Variants in PRG4 observed in about 807,000 individuals in gnomAD.
The protein encoded by PRG4 is proteoglycan 4, also known as articular superficial zone protein.
Under a neutral mutation model 91.2 loss-of-function variants are expected in PRG4, and 61 were observed. The ratio of observed to expected loss-of-function variants is 0.67; its 90% CI spans 0.54 to 0.83. The LOEUF (loss-of-function observed/expected upper bound fraction) is 0.83, where lower values mean the gene tolerates loss of function less well. Among genes scored for constraint, PRG4 ranks in the 40% least tolerant of loss-of-function variants. PRG4 has a pLI of 0.00. For missense variants in PRG4, 1,564 were observed against 1,714.2 expected, an observed-to-expected ratio of 0.91 and a Z score of 1.55; for synonymous variants, 576 against 614.2, an observed-to-expected ratio of 0.94 and a Z score of 0.92.
At chr1:186,310,496 T>C (rs1002001751) in intron 8 of PRG4, among the ~76,000 whole-genome samples, 1 of 152,090 alleles carries the variant, frequency 6.6e-6, no homozygotes, top group African/African-American at 2.4e-5. Context: ...CCAAAAGGCT[T>C]TTTTGAGACC....
Position 186,306,859 on chromosome 1 carries a change from G to A in PRG4, c.1140G>A (p.Glu380=). The A allele has an allele frequency of 6.2e-7, 1 of 1,608,256 alleles. No individual in the cohort carries two copies. The highest frequency in any genetic ancestry group is 8.5e-7 in the Non-Finnish European group (1 of 1,178,446). Residue 380 remains glutamate, a synonymous_variant, in exon 7 of 13, where the codon GAG becomes GAA. Transcript: ENST00000445192. The part of the protein sequence containing the change: ...TIKSAPTTPK[E]PAPTTTKSAP... ...AGTCTGCACCCACCACCCCCAAGGA[G>A]CCTGCACCCACCACCACCAAGTCTG...
chr1:186,297,319 G>T (rs1655923964), intron 2 of PRG4, among the ~76,000 whole-genome samples: 1 of 152,032 alleles, frequency 6.6e-6, no homozygotes, highest in Non-Finnish European at 1.5e-5. Context: ...CCTATATGTT[G>T]AACAATTTGT....
chr1:186,312,396 A>C, intron 11 of PRG4, 24 bp downstream of exon 11: 1 of 1,586,120 alleles, frequency 6.3e-7, no homozygotes. Context: ...TGTGTTAAAA[A>C]AATCCTTAAA....
chr1:186,298,593 C>T (rs1656001514), intron 2 of PRG4, among the ~76,000 whole-genome samples: 1 of 151,632 alleles, frequency 6.6e-6, no homozygotes, highest in African/African-American at 2.4e-5. Flanking sequence ...GGGGTTCAAG[C>T]GATTCTCCTG....
At chr1:186,297,793 G>C (rs1047996235) in intron 2 of PRG4, among the ~76,000 whole-genome samples, 1 of 152,122 alleles carries the variant, frequency 6.6e-6, no homozygotes, top group African/African-American at 2.4e-5. Flanking sequence ...AACATTTCCA[G>C]TAAAATACGA....
rs1571563252 is a variant in PRG4, at chr1:186,306,581, G to T, written c.862G>T (p.Glu288Ter). The T allele has an allele frequency of 2.5e-6, 4 of 1,613,408 alleles. No homozygotes were observed. The South Asian group carries it at 4.4e-5, about 18-fold the overall frequency. The change falls in exon 7 of 13, where the codon GAA (glutamate) becomes TAA (stop). Residue 288 changes from glutamate (E) to a stop codon, truncating the protein, a stop_gained. Coordinates refer to ENST00000445192, the MANE Select transcript of PRG4 (RefSeq NM_005807.6). LOFTEE classifies it high-confidence loss of function. ...TAAAGAGACAACAGTTGAAACTAAAGAAACTACTACAACAAATAAACAGAC... is the reference window on the plus strand; with the variant it reads ...TAAAGAGACAACAGTTGAAACTAAATAAACTACTACAACAAATAAACAGAC... ...VNKETTVETK[E>*]TTTTNKQTST...
chr1:186,309,291 C>T (rs1656994387), intron 7 of PRG4, 151 bp downstream of exon 7: 2 of 825,320 alleles, frequency 2.4e-6, no homozygotes, highest in Non-Finnish European at 3.9e-6. Flanking sequence ...TGTAGGTAAG[C>T]AGAGGTGTAA....
Position 186,311,177 on chromosome 1 carries a change from C to T in PRG4, c.3636+7C>T. 1 of 1,606,820 alleles carries T rather than the reference C, an allele frequency of 6.2e-7. No homozygotes were observed. The highest frequency in any genetic ancestry group is 8.5e-7 in the Non-Finnish European group (1 of 1,173,500). On this transcript the variant is annotated splice_region_variant and intron_variant, in intron 9 of 12. Transcript: ENST00000445192. ...AAAAACTTTCTTCTTTAAGGTAACACAAATATCTTTGTGAGAGAAATTTAA... is the reference window on the plus strand; with the variant it reads ...AAAAACTTTCTTCTTTAAGGTAACATAAATATCTTTGTGAGAGAAATTTAA...
At chr1:186,301,303 T>C in intron 3 of PRG4, among the ~76,000 whole-genome samples, 1 of 152,162 alleles carries the variant, frequency 6.6e-6, no homozygotes, top group South Asian at 2.1e-4. Flanking sequence ...ATTTCCCGAT[T>C]TTTCTTTGTC....
Position 186,308,683 on chromosome 1 carries a change from A to C in PRG4, c.2964A>C (p.Thr988=). The C allele has an allele frequency of 1.2e-6, 2 of 1,611,544 alleles. No individual in the cohort carries two copies. Among genetic ancestry groups the C allele is most frequent in the Non-Finnish European group, 1.7e-6 (2 of 1,179,464 alleles). Reference sequence around the variant, plus strand: ...CTCTTGCACCCAAAGTAACTACAACAAAAAAGACAATTACTACCACTGAGA... The same window carrying C: ...CTCTTGCACCCAAAGTAACTACAACCAAAAAGACAATTACTACCACTGAGA... ...TTTLAPKVTT[T]KKTITTTEIM... The change falls in exon 7 of 13, where the codon ACA becomes ACC. Residue 988 remains threonine, a synonymous_variant. Coordinates refer to ENST00000445192, the MANE Select transcript of PRG4 (RefSeq NM_005807.6).
At chr1:186,300,279 A>C (rs1656119561) in intron 3 of PRG4, 66 bp downstream of exon 3, 2 of 1,605,334 alleles carry the variant, frequency 1.2e-6, no homozygotes, top group Non-Finnish European at 1.7e-6. Context: ...CCCCCCTTGC[A>C]CCCTCGTGCA....
In PRG4 at chr1:186,300,153, G is replaced by T. The variant is rs1656105884; in HGVS notation, c.139G>T (p.Asp47Tyr). Residue 47 changes from aspartate to tyrosine, a missense_variant, in exon 3 of 13, where the codon GAT (aspartate) becomes TAT (tyrosine). Transcript: ENST00000445192. The part of the protein sequence containing the change: ...GYSRDATCNC[D>Y]YNCQHYMECC... The stretch of plus-strand genomic sequence containing the variant: ...TTCTAGAGATGCCACCTGCAACTGT[G>T]ATTATAACTGTCAACACTACATGGA... 1 of 1,614,048 alleles carries T rather than the reference G, an allele frequency of 6.2e-7. No homozygotes were observed.
intron 12 of PRG4, chr1:186,313,429 G>A (rs1657430702): frequency 1.1e-5 from 5 of 444,572 alleles, no homozygotes; most frequent in Non-Finnish European, 2.0e-5. Flanking sequence ...ACTCTTTAAT[G>A]TTTACTTCAT....
In PRG4 at chr1:186,306,617, G is replaced by T; in HGVS notation, c.898G>T (p.Gly300Ter). The T allele has an allele frequency of 6.2e-7, 1 of 1,613,534 alleles. No homozygotes were observed. The highest frequency in any genetic ancestry group is 1.1e-5 in the South Asian group (1 of 91,080). ...AACAAATAAACAGACTTCAACTGATGGAAAAGAGAAGACTACTTCCGCTAA... is the reference window on the plus strand; with the variant it reads ...AACAAATAAACAGACTTCAACTGATTGAAAAGAGAAGACTACTTCCGCTAA... ...TTTNKQTSTD[G>*]KEKTTSAKET... Residue 300 changes from glycine (G) to a stop codon, truncating the protein, a stop_gained, in exon 7 of 13, where the codon GGA becomes TGA. Coordinates refer to ENST00000445192, the MANE Select transcript of PRG4 (RefSeq NM_005807.6). LOFTEE classifies it high-confidence loss of function.
Position 186,307,355 on chromosome 1 carries a change from C to G in PRG4, c.1636C>G (p.Pro546Ala), listed in dbSNP as rs760142979. Residue 546 changes from proline to alanine, a missense_variant, in exon 7 of 13, where the codon CCC (proline) becomes GCC (alanine). By Grantham distance (27) the Pro-to-Ala change is conservative (BLOSUM62 -1). Coordinates refer to ENST00000445192, the MANE Select transcript of PRG4 (RefSeq NM_005807.6). ...TGCACCCACCACTACCAAGTCTGCA[C>G]CCACCACTCCCAAGGAGCCTTCACC... ...EPAPTTTKSA[P>A]TTPKEPSPTT... is the part of the protein sequence containing the mutation. 15 of 1,596,444 alleles carry G rather than the reference C, an allele frequency of 9.4e-6. No individual in the cohort carries two copies. The highest frequency in any genetic ancestry group is 1.3e-5 in the Non-Finnish European group (15 of 1,175,086).
Position 186,308,012 on chromosome 1 carries a change from C to T in PRG4, c.2293C>T (p.Pro765Ser), listed in dbSNP as rs199791520. 4 of 1,606,542 alleles carry T rather than the reference C, an allele frequency of 2.5e-6. No individual in the cohort carries two copies. Among genetic ancestry groups the T allele is most frequent in the East Asian group, 2.2e-5 (1 of 44,526 alleles). Residue 765 changes from proline (P) to serine (S), a missense_variant, in exon 7 of 13, where the codon CCT (proline) becomes TCT (serine). Pro to Ser is a moderately conservative substitution (Grantham distance 74). Around this residue, in one of 3 missense-constraint regions of PRG4, gnomAD observed 1,079 missense variants for 1,162.2 expected, o/e 0.93. Coordinates refer to ENST00000445192, the MANE Select transcript of PRG4 (RefSeq NM_005807.6). ...GACTGCTCCAACTACCCCTAAGGAG[C>T]CTGCTCCAACTACCCCTAAGGAGCC... ...KGTAPTTPKE[P>S]APTTPKEPAP...
Position 186,304,852 on chromosome 1 carries a change from T to G in PRG4, c.528T>G (p.Ser176=). ...CCTCCTCCTCCTCTTCCTCTTCTTC[T>G]TCAACAATTCGGAAAATCAAGTCTT... is the stretch of plus-strand genomic sequence containing the variant. The part of the protein sequence containing the change: ...SSSSSSSSSS[S]STIRKIKSSK... Residue 176 remains serine, a synonymous_variant, in exon 6 of 13, where the codon TCT becomes TCG. Coordinates refer to ENST00000445192, the MANE Select transcript of PRG4 (RefSeq NM_005807.6). 1.9e-6 allele frequency: 3 copies of G among 1,612,670 alleles called. No individual in the cohort carries two copies. The highest frequency in any genetic ancestry group is 2.5e-6 in the Non-Finnish European group (3 of 1,178,860).
chr1:186,312,862 C>T lies in PRG4; in HGVS notation c.4085C>T (p.Pro1362Leu). 1 of 1,612,694 alleles carries T rather than the reference C, an allele frequency of 6.2e-7. No individual in the cohort carries two copies. Among genetic ancestry groups the T allele is most frequent in the Non-Finnish European group, 8.5e-7 (1 of 1,178,738 alleles). The part of the protein sequence containing the change: ...SAISLPNIRK[P>L]DGYDYYAFSK... ...ATATCACTGCCCAACATCAGAAAACCTGACGGCTATGATTACTATGCCTTT... is the reference window on the plus strand; with the variant it reads ...ATATCACTGCCCAACATCAGAAAACTTGACGGCTATGATTACTATGCCTTT... Residue 1362 changes from proline (P) to leucine (L), a missense_variant, in exon 12 of 13, where the codon CCT (proline) becomes CTT (leucine). Pro to Leu is a moderately conservative substitution (Grantham distance 98). Coordinates refer to ENST00000445192, the MANE Select transcript of PRG4 (RefSeq NM_005807.6).
chr1:186,305,410 ATAT>A (rs1391815879), intron 6 of PRG4, among the ~76,000 whole-genome samples: 1 of 152,192 alleles, frequency 6.6e-6, no homozygotes, highest in Non-Finnish European at 1.5e-5. Flanking sequence ...AGTAACTTAT[ATAT>A]TATATCTGGC....
Sources: allele counts gnomAD v4.1 joint callset (sites outside exome capture counted in the v4.1 genomes callset), GRCh38; gene constraint gnomAD v4.1.1; regional missense constraint gnomAD v4.1.1; transcripts MANE v1.5; gene names NCBI Gene and HGNC (gene_info 2026-07-23, HGNC 2026-07-21).